The following LRRC1 variants were observed in gnomAD, a reference collection of about 807,000 sequenced individuals.
The protein encoded by LRRC1 is leucine-rich repeat-containing protein 1.
A neutral mutation model predicts 69.9 loss-of-function variants in LRRC1; 28 were observed. That is an observed-to-expected ratio of 0.40 (90% CI 0.30 to 0.55). LRRC1 has a LOEUF of 0.55. LRRC1 is among the 20% of genes least tolerant of loss of function. The pLI is 0.47. For missense variants in LRRC1, 498 were observed against 609.0 expected (o/e 0.82, Z 1.92); for synonymous variants, 236 against 240.2 (o/e 0.98, Z 0.16).
chr6:53,919,571 C>T lies in LRRC1; in HGVS notation c.1180C>T (p.Pro394Ser), dbSNP rs1768677255. ...ALWLSDNQSQPLLTFQTDTDY... is the reference protein window; with the variant it reads ...ALWLSDNQSQSLLTFQTDTDY... ...GTGGCTATCTGACAACCAGTCCCAG[C>T]CCCTGCTTACATTCCAGACAGACAC... The change falls in exon 12 of 14, where the codon CCC (proline) becomes TCC (serine). Residue 394 changes from proline to serine, a missense_variant. Pro to Ser is a moderately conservative substitution (Grantham distance 74). This residue lies in a region of LRRC1 where 162 missense variants were observed against 162.9 expected (regional missense o/e 0.99). Coordinates refer to ENST00000370888, the MANE Select transcript of LRRC1 (RefSeq NM_018214.5). 1.2e-6 allele frequency: 2 copies of T among 1,613,650 alleles called. No homozygotes were observed. Among genetic ancestry groups the T allele is most frequent in the Admixed American group, 1.7e-5 (1 of 59,970 alleles).
At chr6:53,832,925 G>C (rs1177415794) in intron 1 of LRRC1, among the ~76,000 whole-genome samples, 1 of 151,896 alleles carries the variant, frequency 6.6e-6, no homozygotes, top group Non-Finnish European at 1.5e-5. Context: ...CTAAAACATA[G>C]TGTTTATTAT....
intron 1 of LRRC1, among the ~76,000 whole-genome samples, chr6:53,816,226 G>A (rs896623117): frequency 1.3e-5 from 2 of 152,108 alleles, no homozygotes; most frequent in Non-Finnish European, 2.9e-5. Flanking sequence ...AAATTATAGT[G>A]AGCATGGTAC....
intron 11 of LRRC1, among the ~76,000 whole-genome samples, chr6:53,917,436 TA>T (rs1248581982): frequency 1.3e-5 from 2 of 152,228 alleles, no homozygotes; most frequent in Non-Finnish European, 2.9e-5. Context: ...AATATGTTGA[TA>T]AGATTTGTTG....
chr6:53,850,634 G>T (rs1432069104), intron 2 of LRRC1, among the ~76,000 whole-genome samples: 1 of 152,212 alleles, frequency 6.6e-6, no homozygotes, highest in Non-Finnish European at 1.5e-5. Flanking sequence ...GTTGCAAAGG[G>T]TTTGCTTTGC....
chr6:53,902,812 T>TG, intron 9 of LRRC1, 65 bp downstream of exon 9: 1 of 1,005,652 alleles, frequency 9.9e-7, no homozygotes, highest in East Asian at 2.5e-5. Context: ...ATTTGTAATT[T>TG]GAGTGGACTA....
chr6:53,920,329 A>T (rs1768699085), intron 12 of LRRC1, among the ~76,000 whole-genome samples: 1 of 152,248 alleles, frequency 6.6e-6, no homozygotes, highest in Non-Finnish European at 1.5e-5. Flanking sequence ...AAATTATGAC[A>T]TTCTGTGATG....
intron 11 of LRRC1, among the ~76,000 whole-genome samples, chr6:53,914,661 C>T (rs80153448): frequency 0.013 from 2,024 of 152,280 alleles, 46 homozygotes; most frequent in African/African-American, 0.042. Flanking sequence ...GAGCTAATTT[C>T]AGCACCCTAA....
intron 1 of LRRC1, among the ~76,000 whole-genome samples, chr6:53,807,783 C>T (rs900732609): frequency 6.7e-6 from 1 of 148,662 alleles, no homozygotes; most frequent in South Asian, 2.1e-4. Flanking sequence ...AACAACAACA[C>T]CCCCCAAAAC....
intron 4 of LRRC1, among the ~76,000 whole-genome samples, chr6:53,892,176 C>T (rs929990274): frequency 2.6e-5 from 4 of 152,008 alleles, no homozygotes; most frequent in African/African-American, 7.3e-5. Context: ...TGAATCCTGG[C>T]TTTTCTACTT....
intron 2 of LRRC1, among the ~76,000 whole-genome samples, chr6:53,856,969 T>C (rs1157571654): frequency 6.6e-6 from 1 of 152,074 alleles, no homozygotes. Context: ...AGTTCCCACT[T>C]CCCACCACAG....
chr6:53,894,919 C>G (rs974983153), intron 4 of LRRC1, among the ~76,000 whole-genome samples: 1 of 150,806 alleles, frequency 6.6e-6, no homozygotes, highest in Non-Finnish European at 1.5e-5. Context: ...GACATATTAG[C>G]GGGGAGTTTT....
intron 5 of LRRC1, 35 bp from the exon 6 acceptor site, chr6:53,896,783 ATTTCTAAGTAT>A (rs747795116): frequency 1.6e-6 from 2 of 1,253,876 alleles, no homozygotes; most frequent in Non-Finnish European, 2.3e-6. Flanking sequence ...ATTGCTCAGC[ATTTCTAAGTAT>A]TCTCTAAGTG....
intron 2 of LRRC1, among the ~76,000 whole-genome samples, chr6:53,843,659 G>GT (rs1463970414): frequency 6.6e-6 from 1 of 152,124 alleles, no homozygotes; most frequent in Admixed American, 6.5e-5. Flanking sequence ...GGATTTGATT[G>GT]TAAGGAAGGC....
chr6:53,799,389 C>T (rs1450216238), intron 1 of LRRC1, among the ~76,000 whole-genome samples: 1 of 152,210 alleles, frequency 6.6e-6, no homozygotes, highest in African/African-American at 2.4e-5. Flanking sequence ...GTATTTAGTA[C>T]ATAGTGGGCA....
At chr6:53,829,378 T>C (rs1765367135) in intron 1 of LRRC1, among the ~76,000 whole-genome samples, 1 of 152,244 alleles carries the variant, frequency 6.6e-6, no homozygotes, top group Non-Finnish European at 1.5e-5. Flanking sequence ...TTTAGAGATG[T>C]TCTTGTAAAA....
intron 3 of LRRC1, among the ~76,000 whole-genome samples, chr6:53,881,218 T>A (rs1767280292): frequency 6.6e-6 from 1 of 152,226 alleles, no homozygotes; most frequent in Non-Finnish European, 1.5e-5. Flanking sequence ...GGCTTGCTTA[T>A]TTTATGGCTA....
intron 1 of LRRC1, among the ~76,000 whole-genome samples, chr6:53,808,997 G>A (rs1288472767): frequency 6.6e-6 from 1 of 152,158 alleles, no homozygotes; most frequent in African/African-American, 2.4e-5. Flanking sequence ...CCTACTTTCA[G>A]GATGTAACTT....
Position 53,795,247 on chromosome 6 carries a change from G to T in LRRC1, c.-10G>T. ...GCTCGGGACCCGGCTAGGCGGCGGCGGGGGCGGCGATGTTCCACTGCATCC... is the reference window on the plus strand; with the variant it reads ...GCTCGGGACCCGGCTAGGCGGCGGCTGGGGCGGCGATGTTCCACTGCATCC... On this transcript the variant is annotated 5_prime_UTR_variant, in exon 1 of 14. Transcript: ENST00000370888. 6.3e-7 allele frequency: 1 copy of T among 1,598,426 alleles called. No individual in the cohort carries two copies. The highest frequency in any genetic ancestry group is 8.5e-7 in the Non-Finnish European group (1 of 1,174,990).
At chr6:53,908,821 T>G (rs1459914249) in intron 10 of LRRC1, among the ~76,000 whole-genome samples, 1 of 152,144 alleles carries the variant, frequency 6.6e-6, no homozygotes, top group Non-Finnish European at 1.5e-5. Context: ...AAAAAGAAAC[T>G]TCCACAAAAA....
Sources: gnomAD v4.1 joint callset for allele counts (sites outside exome capture counted in the v4.1 genomes callset) on GRCh38, gnomAD v4.1.1 for gene constraint, gnomAD v4.1.1 regional missense constraint, MANE v1.5 for transcripts, NCBI Gene and HGNC (gene_info 2026-07-23, HGNC 2026-07-21) for gene names.